PCDH9: variants seen among roughly 807,000 people sequenced by gnomAD.
PCDH9 encodes the protein protocadherin 9.
In PCDH9, 24 loss-of-function variants were observed where a neutral mutation model predicts 70.6. That is an observed-to-expected ratio of 0.34 (90% CI 0.25 to 0.48). The LOEUF is 0.48. PCDH9 is among the 20% of genes least tolerant of loss of function. PCDH9 has a pLI of 0.99. For missense variants in PCDH9, 1,281 were observed against 1,503.6 expected (o/e 0.85, Z 2.45); for synonymous variants, 562 against 558.5 (o/e 1.01, Z -0.09).
chr13:66,757,934 A>G (rs1331286114), intron 3 of PCDH9, among the ~76,000 whole-genome samples: 2 of 152,078 alleles, frequency 1.3e-5, no homozygotes, highest in Non-Finnish European at 2.9e-5. Context: ...GTATTCTCAA[A>G]TGGATTAGAA....
intron 4 of PCDH9, among the ~76,000 whole-genome samples, chr13:66,391,581 G>T (rs1458966969): frequency 1.3e-5 from 2 of 152,042 alleles, no homozygotes; most frequent in Non-Finnish European, 2.9e-5. Flanking sequence ...ATGTTGCATG[G>T]CAAGAAGTCT....
intron 4 of PCDH9, among the ~76,000 whole-genome samples, chr13:66,535,814 A>G (rs944071773): frequency 2.0e-5 from 3 of 151,930 alleles, no homozygotes; most frequent in Admixed American, 1.3e-4. Context: ...ATGCTCTCCA[A>G]TTTTTCAAGA....
At chr13:66,425,567 A>G (rs1957654887) in intron 4 of PCDH9, among the ~76,000 whole-genome samples, 1 of 151,682 alleles carries the variant, frequency 6.6e-6, no homozygotes, top group Non-Finnish European at 1.5e-5. Flanking sequence ...ACGAAAAAAA[A>G]AAAAATACCT....
intron 4 of PCDH9, among the ~76,000 whole-genome samples, chr13:66,594,836 C>T (rs904851545): frequency 6.6e-6 from 1 of 151,552 alleles, no homozygotes; most frequent in African/African-American, 2.4e-5. Flanking sequence ...TAATCTTGTT[C>T]CTTTTTATGG....
intron 4 of PCDH9, among the ~76,000 whole-genome samples, chr13:66,307,828 T>C (rs2138056995): frequency 6.6e-6 from 1 of 152,214 alleles, no homozygotes; most frequent in Admixed American, 6.6e-5. Context: ...ATTGAGAATG[T>C]GTTGTGTGCG....
At chr13:67,022,808 A>G (rs1442509664) in intron 2 of PCDH9, among the ~76,000 whole-genome samples, 1 of 152,006 alleles carries the variant, frequency 6.6e-6, no homozygotes, top group African/African-American at 2.4e-5. Context: ...AGAAAAAAAA[A>G]GAGTATTGCT....
rs538457991 is a variant in PCDH9, at chr13:67,172,684, C to A, written c.3036+52721G>T. Reference sequence around the variant, plus strand: ...CCTGAGGTCCGGAGTTCGACACCAGCCTGACCAAAAAGGGGAAACCCCATC... The same window carrying A: ...CCTGAGGTCCGGAGTTCGACACCAGACTGACCAAAAAGGGGAAACCCCATC... On this transcript the variant is annotated intron_variant, in intron 2 of 4. Transcript: ENST00000377865. 2.2e-3 allele frequency among the ~76,000 whole-genome samples: 340 copies of A among 151,780 alleles called. 1 individual carries two copies. The highest frequency in any genetic ancestry group is 8.0e-3 in the African/African-American group (330 of 41,426).
At chr13:66,857,968 C>T (rs1368379846) in intron 3 of PCDH9, among the ~76,000 whole-genome samples, 5 of 152,104 alleles carry the variant, frequency 3.3e-5, no homozygotes, top group Admixed American at 1.3e-4. Flanking sequence ...TCCTACCTTG[C>T]GCCTAATAAC....
intron 3 of PCDH9, among the ~76,000 whole-genome samples, chr13:66,800,127 C>T (rs1047161625): frequency 6.6e-6 from 1 of 152,132 alleles, no homozygotes. Flanking sequence ...TATTTTTCAT[C>T]GTCACCAAAG....
intron 3 of PCDH9, among the ~76,000 whole-genome samples, chr13:66,772,809 C>A (rs1465015924): frequency 1.3e-5 from 2 of 151,558 alleles, no homozygotes; most frequent in Non-Finnish European, 2.9e-5. Context: ...CAAAGCATAC[C>A]AATGTCACTG....
intron 4 of PCDH9, among the ~76,000 whole-genome samples, chr13:66,315,725 C>T (rs1350096294): frequency 6.6e-6 from 1 of 152,174 alleles, no homozygotes; most frequent in Non-Finnish European, 1.5e-5. Flanking sequence ...AGGTGATCTG[C>T]CCTCCTTGGC....
At chr13:66,997,685 T>A (rs997028275) in intron 2 of PCDH9, among the ~76,000 whole-genome samples, 1 of 151,940 alleles carries the variant, frequency 6.6e-6, no homozygotes, top group African/African-American at 2.4e-5. Context: ...CGGGCGCACA[T>A]CACCATGCCT....
At chr13:67,167,178 A>G (rs1566469413) in intron 2 of PCDH9, among the ~76,000 whole-genome samples, 1 of 152,118 alleles carries the variant, frequency 6.6e-6, no homozygotes, top group East Asian at 1.9e-4. Flanking sequence ...GCATGATGAA[A>G]TGGTTAAGCA....
rs1959667889 is a variant in PCDH9, at chr13:66,515,058, C to G, written c.3340+116152G>C. On this transcript the variant is annotated intron_variant, in intron 4 of 4. Transcript: ENST00000377865. ...CAAGTGCTGTGAGAGCACTACTAGT[C>G]TCATTTCTGGTTCTTTAGCATCTAA... Among the ~76,000 whole-genome samples the G allele has an allele frequency of 9.2e-5, 14 of 152,144 alleles. No individual in the cohort carries two copies. In the South Asian group the frequency reaches 2.9e-3, roughly 31 times the overall value.
chr13:66,878,376 G>A (rs903298498), intron 3 of PCDH9, among the ~76,000 whole-genome samples: 4 of 151,924 alleles, frequency 2.6e-5, no homozygotes, highest in Admixed American at 6.6e-5. Context: ...ACAGGGGCCC[G>A]CCACCACGCC....
chr13:67,032,357 T>C (rs1030459632), intron 2 of PCDH9, among the ~76,000 whole-genome samples: 5 of 151,222 alleles, frequency 3.3e-5, no homozygotes, highest in Non-Finnish European at 7.4e-5. Context: ...AGAAATGGGG[T>C]TTCATCATGC....
At chr13:66,738,627 C>T (rs1366117695) in intron 3 of PCDH9, among the ~76,000 whole-genome samples, 1 of 142,690 alleles carries the variant, frequency 7.0e-6, no homozygotes, top group Non-Finnish European at 1.5e-5. Context: ...CTAGAAGAAC[C>T]AATACAGAGA....
At chr13:66,617,832 A>G (rs2077375514) in intron 4 of PCDH9, among the ~76,000 whole-genome samples, 1 of 152,112 alleles carries the variant, frequency 6.6e-6, no homozygotes, top group African/African-American at 2.4e-5. Flanking sequence ...GAACCCTTAG[A>G]TAAGCCCCTG....
At chr13:66,462,604 T>G (rs1262367776) in intron 4 of PCDH9, among the ~76,000 whole-genome samples, 1 of 151,786 alleles carries the variant, frequency 6.6e-6, no homozygotes, top group Admixed American at 6.6e-5. Context: ...GTGACTTACT[T>G]GGTCTGAAAT....
Sources: gnomAD v4.1 joint callset for allele counts (sites outside exome capture counted in the v4.1 genomes callset) on GRCh38, gnomAD v4.1.1 for gene constraint, MANE v1.5 for transcripts, NCBI Gene and HGNC (gene_info 2026-07-23, HGNC 2026-07-21) for gene names.